SCARB1: variants seen among roughly 807,000 people sequenced by gnomAD.
SCARB1 encodes the protein CD36 and LIMPII analogous 1.
SCARB1 carries 30 observed loss-of-function variants against 57.2 expected under a neutral mutation model. The ratio of observed to expected loss-of-function variants is 0.52; its 90% CI spans 0.39 to 0.71. The LOEUF is 0.71. Among genes scored for constraint, SCARB1 ranks in the 30% least tolerant of loss-of-function variants. The pLI, the probability that SCARB1 is intolerant of heterozygous loss-of-function variation, is 0.00. For synonymous variants in SCARB1, 249 were observed against 268.3 expected (o/e 0.93, Z 0.70); for missense variants, 543 against 671.2 (o/e 0.81, Z 2.11).
chr12:124,833,947 T>A (rs1951524944), intron 1 of SCARB1, among the ~76,000 whole-genome samples: 1 of 152,244 alleles, frequency 6.6e-6, no homozygotes, highest in African/African-American at 2.4e-5. Context: ...GGGGGCACTT[T>A]GTTCTTGCAG....
At chr12:124,858,872 C>G (rs1952760288) in intron 1 of SCARB1, among the ~76,000 whole-genome samples, 1 of 151,188 alleles carries the variant, frequency 6.6e-6, no homozygotes, top group African/African-American at 2.4e-5. Flanking sequence ...GAGCCAGACT[C>G]CGTCTCAAAA....
At position 124,863,056 on chromosome 12, in the gene SCARB1, A is replaced by T. The variant is rs561855872; in HGVS notation, c.126+539T>A. ...TCTGGGAGAGGGTTCCTATGGGGAG[A>T]TTCTGGGCAGTGGAGGATGCTCAGC... On this transcript the variant is annotated intron_variant, in intron 1 of 12. Coordinates refer to ENST00000261693, the MANE Select transcript of SCARB1 (RefSeq NM_005505.5). Among the ~76,000 whole-genome samples the T allele has an allele frequency of 3.9e-5, 6 of 152,172 alleles. No homozygotes were observed. In the South Asian group the frequency reaches 1.2e-3, roughly 32 times the overall value.
intron 5 of SCARB1, 30 bp downstream of exon 5, chr12:124,811,840 C>A (rs144347463): frequency 7.1e-6 from 11 of 1,540,832 alleles, no homozygotes; most frequent in Middle Eastern, 1.7e-4. Flanking sequence ...CTCTCCCTGG[C>A]GACAGGGGCC....
chr12:124,820,179 G>A (rs1441824250), intron 1 of SCARB1, among the ~76,000 whole-genome samples: 1 of 152,164 alleles, frequency 6.6e-6, no homozygotes, highest in Non-Finnish European at 1.5e-5. Flanking sequence ...GAATATTAAT[G>A]AGGTAACAGA....
rs777015159 is a variant in SCARB1, at chr12:124,812,829, C to T, written c.631-864G>A. On this transcript the variant is annotated intron_variant, in intron 4 of 12. Transcript: ENST00000261693. The surrounding 1 kb of genome is among the most constrained non-coding windows in gnomAD (Gnocchi z 4.3). Reference sequence around the variant, plus strand: ...CCCAGCATCCCGGGTGTGTCTGTCACGTGCCCATGTGGAGCCAAGAATAAC... The same window carrying T: ...CCCAGCATCCCGGGTGTGTCTGTCATGTGCCCATGTGGAGCCAAGAATAAC... Among the ~76,000 whole-genome samples the T allele has an allele frequency of 2.6e-5, 4 of 152,150 alleles. No individual in the cohort carries two copies. The highest frequency in any genetic ancestry group is 2.1e-4 in the South Asian group (1 of 4,798).
intron 4 of SCARB1, among the ~76,000 whole-genome samples, chr12:124,813,401 G>A (rs1347786580): frequency 3.3e-5 from 5 of 152,222 alleles, no homozygotes; most frequent in African/African-American, 1.2e-4. Context: ...AAGGATGGCA[G>A]AGCACAGTAG....
rs762203805 is a variant in SCARB1 at position 124,810,322 on chromosome 12, T to G, written c.727-33A>C. ...GAAGCATCCAGACTAGACCCCTCAGTAGGGCCAAGGCCCCTTAATAAGCCC... is the reference window on the plus strand; with the variant it reads ...GAAGCATCCAGACTAGACCCCTCAGGAGGGCCAAGGCCCCTTAATAAGCCC... On this transcript the variant is annotated intron_variant, in intron 5 of 12. Coordinates refer to ENST00000261693, the MANE Select transcript of SCARB1 (RefSeq NM_005505.5). The surrounding 1 kb of genome is among the most constrained non-coding windows in gnomAD (Gnocchi z 4.0). 2 of 1,482,244 alleles carry G rather than the reference T, an allele frequency of 1.3e-6. No individual in the cohort carries two copies. The allele number at this position is 1,482,244 out of a possible 1,614,324, so 91.8% of individuals were successfully genotyped here.
At position 124,798,641 on chromosome 12, in the gene SCARB1, G is replaced by A. The variant is rs190396913; in HGVS notation, c.1128+1483C>T. Among the ~76,000 whole-genome samples, 18 of 151,764 alleles carry A rather than the reference G, an allele frequency of 1.2e-4. No individual in the cohort carries two copies. The East Asian group carries it at 2.9e-3, about 25-fold the overall frequency. Reference sequence around the variant, plus strand: ...GTGGATCACCTGAGGTCACGAGTTCGAGACCAGCATGGCCAACGTGGCAAA... The same window carrying A: ...GTGGATCACCTGAGGTCACGAGTTCAAGACCAGCATGGCCAACGTGGCAAA... On this transcript the variant is annotated intron_variant, in intron 8 of 12. Coordinates refer to ENST00000261693, the MANE Select transcript of SCARB1 (RefSeq NM_005505.5).
intron 1 of SCARB1, among the ~76,000 whole-genome samples, chr12:124,854,281 G>A (rs1478653282): frequency 1.3e-5 from 2 of 152,252 alleles, no homozygotes; most frequent in South Asian, 4.1e-4. Context: ...GAGCTAAGGC[G>A]ATTGGGCCCA....
chr12:124,856,794 A>C (rs1952651702), intron 1 of SCARB1, among the ~76,000 whole-genome samples: 1 of 152,216 alleles, frequency 6.6e-6, no homozygotes, highest in Admixed American at 6.5e-5. Context: ...CGGCCCCTGC[A>C]GGATGGGTGG....
chr12:124,842,855 GTGCGGGAACAAGAGA>G (rs1951958584), intron 1 of SCARB1, among the ~76,000 whole-genome samples: 1 of 152,234 alleles, frequency 6.6e-6, no homozygotes, highest in Non-Finnish European at 1.5e-5. Flanking sequence ...GATGGGTTCT[GTGCGGGAACAAGAGA>G]TGCCAAGATC....
intron 10 of SCARB1, among the ~76,000 whole-genome samples, chr12:124,786,821 G>A (rs773525873): frequency 6.6e-5 from 10 of 152,198 alleles, no homozygotes; most frequent in Admixed American, 2.6e-4. Flanking sequence ...CGGGGCCACC[G>A]GGGCCCTGGA....
intron 9 of SCARB1, among the ~76,000 whole-genome samples, chr12:124,794,171 G>A (rs1177339920): frequency 6.6e-6 from 1 of 152,120 alleles, no homozygotes; most frequent in Non-Finnish European, 1.5e-5. Context: ...AATGAGTGTG[G>A]GGTTTCTTTT....
Position 124,853,778 on chromosome 12 carries a change from C to T in SCARB1, c.126+9817G>A, listed in dbSNP as rs888126913. Among the ~76,000 whole-genome samples, 4 of 152,116 alleles carry T rather than the reference C, an allele frequency of 2.6e-5. No individual in the cohort carries two copies. The South Asian group carries it at 8.3e-4, about 32-fold the overall frequency. On this transcript the variant is annotated intron_variant, in intron 1 of 12. Coordinates refer to ENST00000261693, the MANE Select transcript of SCARB1 (RefSeq NM_005505.5). ...GTATAAATCAGCAGAGCAAACAGCC[C>T]CATGATGACACTCCAGCATCCACTG...
chr12:124,811,762 C>T (rs892142501), intron 5 of SCARB1, 108 bp downstream of exon 5: 10 of 761,014 alleles, frequency 1.3e-5, no homozygotes, highest in South Asian at 2.9e-5. Flanking sequence ...ACCCTCTTCA[C>T]GACAAAGGAA....
In SCARB1 at chr12:124,800,257, G is replaced by A. The variant is rs777778747; in HGVS notation, c.1010-15C>T. On this transcript the variant is annotated splice_polypyrimidine_tract_variant and intron_variant, in intron 7 of 12. Coordinates refer to ENST00000261693, the MANE Select transcript of SCARB1 (RefSeq NM_005505.5). The surrounding 1 kb of genome is among the most constrained non-coding windows in gnomAD (Gnocchi z 4.8). ...CAAGGGGGCACCTAGAAGAGGGGCA[G>A]GGAGGGGACATCAGACAAGGACAGT... 3.8e-6 allele frequency: 6 copies of A among 1,575,710 alleles called. No homozygotes were observed. Among genetic ancestry groups the A allele is most frequent in the South Asian group, 1.1e-5 (1 of 90,294 alleles).
intron 1 of SCARB1, among the ~76,000 whole-genome samples, chr12:124,860,274 G>A (rs754180299): frequency 2.4e-4 from 36 of 152,332 alleles, no homozygotes; most frequent in Non-Finnish European, 5.0e-4. Flanking sequence ...ATGAAATGTG[G>A]ACAAGAAGCC....
intron 1 of SCARB1, among the ~76,000 whole-genome samples, chr12:124,837,514 G>C (rs1026382252): frequency 9.1e-6 from 1 of 110,404 alleles, no homozygotes; most frequent in Non-Finnish European, 1.8e-5. Context: ...GGAGAAAAAA[G>C]AAAAGAAAGG....
chr12:124,815,219 G>A lies in SCARB1; in HGVS notation c.285-105C>T, dbSNP rs113008431. The A allele has an allele frequency of 1.3e-5, 17 of 1,308,896 alleles. 2 individuals carry two copies. In the African/African-American group the frequency reaches 1.3e-4, roughly 10 times the overall value. 81.1% of individuals were successfully genotyped at this position (1,308,896 alleles called of 1,614,324 possible). A position where few individuals can be genotyped will look rare whatever the true frequency, so the allele number is the denominator to read the frequency against. On this transcript the variant is annotated intron_variant, in intron 2 of 12. Transcript: ENST00000261693. ...TGGGAACCAGGGGCCCTGGACGTCT[G>A]TGCACACCTCCGGCCCCACAGCCAA...
Sources: gnomAD v4.1 joint callset for allele counts (sites outside exome capture counted in the v4.1 genomes callset) on GRCh38, gnomAD v4.1.1 for gene constraint, Gnocchi (gnomAD v3.1) non-coding constraint, MANE v1.5 for transcripts, NCBI Gene and HGNC (gene_info 2026-07-23, HGNC 2026-07-21) for gene names.